The following TRMT9B variants were observed in gnomAD, a reference collection of about 807,000 sequenced individuals.
TRMT9B encodes the protein tRNA methyltransferase 9B (putative).
In TRMT9B, 16 loss-of-function variants were observed where a neutral mutation model predicts 11.5. That is an observed-to-expected ratio of 1.39 (90% CI 0.94 to 2.11). The LOEUF is 2.11. Ranked by LOEUF, TRMT9B falls within the 30% of genes most tolerant of loss-of-function variation. The probability of loss-of-function intolerance (pLI) is 0.00; values close to 1 mark genes in which losing one functional copy is unlikely to be tolerated. For missense variants in TRMT9B, 941 were observed against 553.8 expected (o/e 1.70, Z -7.02); for synonymous variants, 274 against 192.4 (o/e 1.42, Z -3.51).
intron 1 of TRMT9B, among the ~76,000 whole-genome samples, chr8:12,950,564 T>TCTTTCTTTCTTTCTTTCTCTCTC (rs1554505540): frequency 1.3e-5 from 2 of 151,890 alleles, no homozygotes; most frequent in African/African-American, 4.9e-5. Context: ...TTTCTTTCTT[T>TCTTTCTTTCTTTCTTTCTCTCTC]TTGAATGTGA....
At chr8:12,995,790 G>C (rs1327233540) in intron 2 of TRMT9B, among the ~76,000 whole-genome samples, 1 of 152,076 alleles carries the variant, frequency 6.6e-6, no homozygotes, top group South Asian at 2.1e-4. Context: ...TAGGTTCTAA[G>C]GCTTTTAAAT....
intron 3 of TRMT9B, chr8:13,011,782 T>C (rs1352183073): frequency 2.1e-6 from 2 of 953,608 alleles, no homozygotes; most frequent in African/African-American, 3.5e-5. Context: ...CTGAGTTGTA[T>C]ACTGGACCCA....
At chr8:12,987,979 G>A (rs1248341452) in intron 1 of TRMT9B, among the ~76,000 whole-genome samples, 4 of 152,206 alleles carry the variant, frequency 2.6e-5, no homozygotes, top group Non-Finnish European at 4.4e-5. Flanking sequence ...ATTACTGAAT[G>A]TATATCACTT....
chr8:12,983,014 C>G (rs1048961972), intron 1 of TRMT9B, among the ~76,000 whole-genome samples: 2 of 152,220 alleles, frequency 1.3e-5, no homozygotes, highest in African/African-American at 4.8e-5. Flanking sequence ...CCCCACGATG[C>G]CCCACATGGG....
chr8:12,990,376 T>C (rs1400420962), intron 1 of TRMT9B, among the ~76,000 whole-genome samples: 1 of 152,278 alleles, frequency 6.6e-6, no homozygotes, highest in Non-Finnish European at 1.5e-5. Context: ...CAAACTCTTA[T>C]GAAGAAGAAA....
chr8:13,006,692 G>T, intron 3 of TRMT9B: 7 of 1,312,856 alleles, frequency 5.3e-6, no homozygotes, highest in Non-Finnish European at 6.8e-6. Flanking sequence ...TTTTGAGATG[G>T]AGTTTCACTC....
chr8:13,016,160 C>CATAT (rs61374663), intron 4 of TRMT9B, among the ~76,000 whole-genome samples: 51,498 of 130,308 alleles, frequency 0.4, 10,859 homozygotes, highest in East Asian at 0.59. Context: ...ACCTGAAAAT[C>CATAT]ATATATATAA....
At position 13,028,064 on chromosome 8, in the gene TRMT9B, G is replaced by A. The variant is rs1349449555; in HGVS notation, c.*6020G>A. The A allele has an allele frequency of 6.0e-6, 1 of 167,040 alleles. No individual in the cohort carries two copies. The highest frequency in any genetic ancestry group is 2.4e-5 in the African/African-American group (1 of 41,454). 10.3% of individuals were successfully genotyped at this position (167,040 alleles called of 1,614,324 possible). A position where few individuals can be genotyped will look rare whatever the true frequency, so the allele number is the denominator to read the frequency against. ...CAGAAACTGAAGAGAGTTGATCAAA[G>A]AGAAGATTCTAGCTGAATTGTTCTA... On this transcript the variant is annotated 3_prime_UTR_variant, in exon 5 of 5. Transcript: ENST00000524591.
chr8:12,991,803 C>T (rs945731517), intron 2 of TRMT9B, among the ~76,000 whole-genome samples: 4 of 151,950 alleles, frequency 2.6e-5, no homozygotes, highest in South Asian at 2.1e-4. Context: ...TGGTGGTGGG[C>T]GCCTGTAATC....
At chr8:12,948,804 C>A (rs1007912044) in intron 1 of TRMT9B, among the ~76,000 whole-genome samples, 1 of 152,008 alleles carries the variant, frequency 6.6e-6, no homozygotes, top group Non-Finnish European at 1.5e-5. Context: ...ACTAAAAATA[C>A]AAAAACTTAG....
chr8:13,013,030 A>G (rs1811946137), intron 4 of TRMT9B, among the ~76,000 whole-genome samples, 173 bp downstream of exon 4: 2 of 152,220 alleles, frequency 1.3e-5, no homozygotes, highest in Non-Finnish European at 2.9e-5. Context: ...TCCAAAATGT[A>G]TTTATGGCAC....
At chr8:13,019,275 T>G (rs970778715) in intron 4 of TRMT9B, among the ~76,000 whole-genome samples, 1 of 152,130 alleles carries the variant, frequency 6.6e-6, no homozygotes, top group Non-Finnish European at 1.5e-5. Flanking sequence ...GGGAGATACA[T>G]TTATATGAGT....
chr8:13,022,134 T>C lies in TRMT9B; in HGVS notation c.*90T>C. 1.1e-6 allele frequency: 1 copy of C among 941,592 alleles called. No homozygotes were observed. The highest frequency in any genetic ancestry group is 1.6e-6 in the Non-Finnish European group (1 of 633,852). The allele number at this position is 941,592 out of a possible 1,614,324, so 58.3% of individuals were successfully genotyped here. The stretch of plus-strand genomic sequence containing the variant: ...TTACCTGAATTTGCATTCAGTGTTA[T>C]TTGTTAATCCATTTACGCTTTGGTC... On this transcript the variant is annotated 3_prime_UTR_variant, in exon 5 of 5. Transcript: ENST00000524591.
intron 2 of TRMT9B, among the ~76,000 whole-genome samples, chr8:12,995,302 TAA>T (rs1201542467): frequency 1.3e-5 from 2 of 152,226 alleles, no homozygotes; most frequent in African/African-American, 2.4e-5. Context: ...GATAAATGTG[TAA>T]AAAGTTAAAT....
intron 1 of TRMT9B, among the ~76,000 whole-genome samples, chr8:12,963,982 A>G (rs1802481308): frequency 6.6e-6 from 1 of 152,298 alleles, no homozygotes; most frequent in African/African-American, 2.4e-5. Context: ...AATGACACCA[A>G]TCGCATCAGC....
chr8:12,961,322 C>T (rs755999161), intron 1 of TRMT9B, among the ~76,000 whole-genome samples: 2 of 152,172 alleles, frequency 1.3e-5, no homozygotes, highest in Admixed American at 6.5e-5. Context: ...AAGTACCACA[C>T]CAATGCAATA....
intron 2 of TRMT9B, among the ~76,000 whole-genome samples, chr8:12,991,278 A>C (rs886187186): frequency 5.9e-5 from 9 of 152,240 alleles, no homozygotes; most frequent in African/African-American, 2.2e-4. Context: ...TGTAGGACTT[A>C]AACATATTTT....
In TRMT9B at chr8:12,994,271, A is replaced by G. The variant is rs181800559; in HGVS notation, c.-2+3240A>G. The stretch of plus-strand genomic sequence containing the variant: ...GATCAGGTATTCCCCAGAATCTTAG[A>G]TCTCCAAAATTACTTTTCACTGCTA... On this transcript the variant is annotated intron_variant, in intron 2 of 4. Coordinates refer to ENST00000524591, the MANE Select transcript of TRMT9B (RefSeq NM_020844.3). Among the ~76,000 whole-genome samples the G allele has an allele frequency of 1.9e-4, 29 of 152,308 alleles. No individual in the cohort carries two copies. The East Asian group carries it at 4.8e-3, about 25-fold the overall frequency.
chr8:13,005,102 A>G (rs1052026059), intron 2 of TRMT9B, among the ~76,000 whole-genome samples: 21 of 148,038 alleles, frequency 1.4e-4, no homozygotes, highest in Non-Finnish European at 2.5e-4. Flanking sequence ...AAAAAAAAAG[A>G]AAAAGAAAAG....
Sources: gnomAD v4.1 joint callset for allele counts (sites outside exome capture counted in the v4.1 genomes callset) on GRCh38, gnomAD v4.1.1 for gene constraint, MANE v1.5 for transcripts, NCBI Gene and HGNC (gene_info 2026-07-23, HGNC 2026-07-21) for gene names.